The following LIN7A variants were observed in gnomAD, a reference collection of about 807,000 sequenced individuals.
LIN7A encodes the protein lin-7 cell polarity scaffold A.
LIN7A carries 25 observed loss-of-function variants against 29.8 expected under a neutral mutation model. The ratio of observed to expected loss-of-function variants is 0.84; its 90% CI spans 0.61 to 1.17. The LOEUF is 1.17. LIN7A is among the 50% of genes most tolerant of loss of function. LIN7A has a pLI of 0.00. For synonymous variants in LIN7A, 118 were observed against 107.5 expected, an observed-to-expected ratio of 1.10 and a Z score of -0.60; for missense variants, 239 against 287.0, an observed-to-expected ratio of 0.83 and a Z score of 1.21.
At chr12:80,859,425 G>T (rs1356486493) in intron 2 of LIN7A, among the ~76,000 whole-genome samples, 1 of 152,098 alleles carries the variant, frequency 6.6e-6, no homozygotes, top group African/African-American at 2.4e-5. Context: ...TGCATATGCA[G>T]GTCTAAAGCT....
chr12:80,855,098 T>C (rs1873531736), intron 2 of LIN7A, among the ~76,000 whole-genome samples: 1 of 151,826 alleles, frequency 6.6e-6, no homozygotes, highest in African/African-American at 2.4e-5. Flanking sequence ...ATTAGCATCA[T>C]ATAAACCCCT....
intron 2 of LIN7A, among the ~76,000 whole-genome samples, chr12:80,885,001 AT>A (rs930086845): frequency 6.6e-6 from 1 of 151,968 alleles, no homozygotes; most frequent in African/African-American, 2.4e-5. Context: ...TAGATTTTTA[AT>A]TTTTTTATTA....
At chr12:80,888,444 G>A (rs926798071) in intron 2 of LIN7A, among the ~76,000 whole-genome samples, 4 of 152,106 alleles carry the variant, frequency 2.6e-5, no homozygotes, top group African/African-American at 9.7e-5. Context: ...CCTGCTCTAC[G>A]CTACAATAAA....
Position 80,811,474 on chromosome 12 carries a change from G to T in LIN7A, c.693C>A (p.His231Gln). 7.4e-7 allele frequency: 1 copy of T among 1,351,634 alleles called. No individual in the cohort carries two copies. The highest frequency in any genetic ancestry group is 1.0e-6 in the Non-Finnish European group (1 of 962,216). 83.7% of individuals were successfully genotyped at this position (1,351,634 alleles called of 1,614,324 possible). A position where few individuals can be genotyped will look rare whatever the true frequency, so the allele number is the denominator to read the frequency against. The change falls in exon 5 of 6, where the codon CAC becomes CAA. Residue 231 changes from histidine (H) to glutamine (Q), a missense_variant. Coordinates refer to ENST00000552864, the MANE Select transcript of LIN7A (RefSeq NM_004664.4). ...ATAAGTCACTTCTCACCTATGACAT[G>T]TGGTTTTGTTGTGTTTGTTGCTGCT... ...QQQQQQTQQN[H>Q]MS
chr12:80,859,874 T>C (rs1448358966), intron 2 of LIN7A, among the ~76,000 whole-genome samples: 1 of 152,224 alleles, frequency 6.6e-6, no homozygotes, highest in Non-Finnish European at 1.5e-5. Flanking sequence ...TTATTAGTTT[T>C]TTAAATCAAG....
At chr12:80,853,213 T>C (rs1310327073) in intron 2 of LIN7A, among the ~76,000 whole-genome samples, 1 of 152,210 alleles carries the variant, frequency 6.6e-6, no homozygotes, top group Non-Finnish European at 1.5e-5. Context: ...TATGCTATCT[T>C]TAGGGTCTCT....
intron 1 of LIN7A, among the ~76,000 whole-genome samples, chr12:80,916,669 T>C (rs1473304559): frequency 6.6e-6 from 1 of 152,294 alleles, no homozygotes; most frequent in East Asian, 1.9e-4. Context: ...TGTTGAGTGA[T>C]AAGTGAATGC....
At chr12:80,801,511 T>C (rs1240846388) in intron 5 of LIN7A, among the ~76,000 whole-genome samples, 1 of 152,234 alleles carries the variant, frequency 6.6e-6, no homozygotes, top group Non-Finnish European at 1.5e-5. Context: ...AAATTGTATA[T>C]TCAATTGGCA....
At chr12:80,881,674 C>T (rs1050483991) in intron 2 of LIN7A, among the ~76,000 whole-genome samples, 4 of 151,902 alleles carry the variant, frequency 2.6e-5, no homozygotes, top group Non-Finnish European at 5.9e-5. Context: ...TATGTTTGCT[C>T]TTACTTAACC....
rs535293322 is a variant in LIN7A, at chr12:80,875,924, T to C, written c.201+13327A>G. Reference sequence around the variant, plus strand: ...GTTTTGAGAGCAGTAGGCTGTATTCTATTACATTTTTGCCCCCTTTGGATC... The same window carrying C: ...GTTTTGAGAGCAGTAGGCTGTATTCCATTACATTTTTGCCCCCTTTGGATC... On this transcript the variant is annotated intron_variant, in intron 2 of 5. Transcript: ENST00000552864. Among the ~76,000 whole-genome samples, 10 of 152,334 alleles carry C rather than the reference T, an allele frequency of 6.6e-5. No individual in the cohort carries two copies. In the East Asian group the frequency reaches 1.9e-3, roughly 29 times the overall value.
intron 4 of LIN7A, among the ~76,000 whole-genome samples, chr12:80,821,650 G>C (rs1409181219): frequency 6.6e-6 from 1 of 152,212 alleles, no homozygotes; most frequent in Non-Finnish European, 1.5e-5. Flanking sequence ...CAGTGGGGGA[G>C]GTGCTGCAGG....
At chr12:80,904,111 A>G (rs1876357684) in intron 1 of LIN7A, among the ~76,000 whole-genome samples, 1 of 152,126 alleles carries the variant, frequency 6.6e-6, no homozygotes, top group East Asian at 1.9e-4. Context: ...AAATAACTCA[A>G]AATAATATAA....
chr12:80,913,613 C>G (rs1251758402), intron 1 of LIN7A, among the ~76,000 whole-genome samples: 1 of 152,164 alleles, frequency 6.6e-6, no homozygotes. Flanking sequence ...TGCTCAAGTA[C>G]CCCGAGTATG....
Position 80,793,360 on chromosome 12 carries a change from AC to A in LIN7A, c.*4366del, listed in dbSNP as rs1405090381. 1 of 152,210 alleles carries A rather than the reference AC, an allele frequency of 6.6e-6. No homozygotes were observed. The highest frequency in any genetic ancestry group is 1.5e-5 in the Non-Finnish European group (1 of 68,026). The allele number at this position is 152,210 out of a possible 1,614,324, so 9.4% of individuals were successfully genotyped here. A position where few individuals can be genotyped will look rare whatever the true frequency, so the allele number is the denominator to read the frequency against. ...GGGTATAACCGTGGTTTATAGATAAACTAAGCAGCATTTTTGAGCAGTGGTT... is the reference window on the plus strand; with the variant it reads ...GGGTATAACCGTGGTTTATAGATAAATAAGCAGCATTTTTGAGCAGTGGTT... On this transcript the variant is annotated 3_prime_UTR_variant, in exon 6 of 6. Coordinates refer to ENST00000552864, the MANE Select transcript of LIN7A (RefSeq NM_004664.4).
At chr12:80,853,395 G>A (rs556905367) in intron 2 of LIN7A, among the ~76,000 whole-genome samples, 1 of 151,966 alleles carries the variant, frequency 6.6e-6, no homozygotes, top group Non-Finnish European at 1.5e-5. Flanking sequence ...AAGCCAACTG[G>A]CAGAAAATGT....
chr12:80,873,916 A>G (rs1323807942), intron 2 of LIN7A, among the ~76,000 whole-genome samples: 1 of 143,450 alleles, frequency 7.0e-6, no homozygotes, highest in African/African-American at 2.6e-5. Flanking sequence ...AATTACTGCT[A>G]TTTTGCCCTA....
At chr12:80,935,704 A>G in intron 1 of LIN7A, 1 of 446,492 alleles carries the variant, frequency 2.2e-6, no homozygotes, top group Non-Finnish European at 5.1e-6. Context: ...TCTCTTGGTT[A>G]TAGATTTTCC....
chr12:80,823,144 A>G (rs2121522051), intron 4 of LIN7A, among the ~76,000 whole-genome samples: 1 of 152,256 alleles, frequency 6.6e-6, no homozygotes, highest in East Asian at 1.9e-4. Flanking sequence ...CCACTTGTCT[A>G]CCTACCTCAT....
chr12:80,886,970 T>C (rs1875361174), intron 2 of LIN7A, among the ~76,000 whole-genome samples: 1 of 152,084 alleles, frequency 6.6e-6, no homozygotes, highest in Non-Finnish European at 1.5e-5. Context: ...CAGACTTAGA[T>C]GCCTGTTAGA....
Sources: gnomAD v4.1 joint callset for allele counts (sites outside exome capture counted in the v4.1 genomes callset) on GRCh38, gnomAD v4.1.1 for gene constraint, MANE v1.5 for transcripts, NCBI Gene and HGNC (gene_info 2026-07-23, HGNC 2026-07-21) for gene names.